ENOX2: variants seen among roughly 807,000 people sequenced by gnomAD.
ENOX2 encodes ecto-NOX disulfide-thiol exchanger 2.
ENOX2 carries 36 observed loss-of-function variants against 45.0 expected under a neutral mutation model. The observed-to-expected ratio is 0.80, with a 90% CI of 0.61 to 1.06. The LOEUF is 1.06. ENOX2 is among the 50% of genes least tolerant of loss of function. ENOX2 has a pLI of 0.00. For synonymous variants in ENOX2, 174 were observed against 152.3 expected (o/e 1.14, Z -1.05); for missense variants, 423 against 462.5 (o/e 0.91, Z 0.78).
chrX:130,790,220 C>T (rs1052190207), intron 2 of ENOX2, among the ~76,000 whole-genome samples: 3 of 112,379 alleles, frequency 2.7e-5, no homozygotes, highest in Non-Finnish European at 5.6e-5. Flanking sequence ...CACTAAGGGG[C>T]TTGCTTGAAT....
intron 3 of ENOX2, among the ~76,000 whole-genome samples, chrX:130,731,258 G>A (rs768411710): frequency 1.8e-5 from 2 of 111,388 alleles, no homozygotes; most frequent in Non-Finnish European, 3.8e-5. Context: ...TAAAGTTTAC[G>A]GTACATAGCA....
chrX:130,727,922 C>T (rs1208016940), intron 3 of ENOX2, among the ~76,000 whole-genome samples: 2 of 112,015 alleles, frequency 1.8e-5, no homozygotes, highest in South Asian at 3.7e-4. Context: ...TGTAGGTGTG[C>T]TAGTTATCAA....
At position 130,652,447 on chromosome X, in the gene ENOX2, T is replaced by C. The variant is rs141818919; in HGVS notation, c.1129+4134A>G. Among the ~76,000 whole-genome samples the C allele has an allele frequency of 3.9e-3, 440 of 112,132 alleles. 2 individuals are homozygous for C. Among genetic ancestry groups the C allele is most frequent in the African/African-American group, 0.014 (427 of 30,915 alleles). On this transcript the variant is annotated intron_variant, in intron 10 of 14. Coordinates refer to ENST00000394363, the MANE Select transcript of ENOX2 (RefSeq NM_006375.4). Reference sequence around the variant, plus strand: ...TTCAGCCGATACCTCTACACTACCATCTACTATTCCTTCTAGTTTCTTCAA... The same window carrying C: ...TTCAGCCGATACCTCTACACTACCACCTACTATTCCTTCTAGTTTCTTCAA...
At chrX:130,797,590 T>C (rs967252706) in intron 2 of ENOX2, among the ~76,000 whole-genome samples, 1 of 110,195 alleles carries the variant, frequency 9.1e-6, no homozygotes, top group Non-Finnish European at 1.9e-5. Flanking sequence ...CAGAATTTCC[T>C]GGAAATTGGC....
intron 2 of ENOX2, among the ~76,000 whole-genome samples, chrX:130,870,818 G>A (rs2078567717): frequency 9.6e-6 from 1 of 104,570 alleles, no homozygotes; most frequent in South Asian, 4.6e-4. Flanking sequence ...TGTGTTTTAA[G>A]AGAGAAACAA....
At chrX:130,690,202 G>A (rs1336756877) in intron 4 of ENOX2, among the ~76,000 whole-genome samples, 1 of 111,347 alleles carries the variant, frequency 9.0e-6, no homozygotes, top group Admixed American at 9.5e-5. Flanking sequence ...TTCAAGAAAG[G>A]TACTTCTTAC....
intron 2 of ENOX2, among the ~76,000 whole-genome samples, chrX:130,791,113 C>T (rs768646645): frequency 1.3e-4 from 14 of 111,314 alleles, no homozygotes; most frequent in African/African-American, 4.2e-4. Flanking sequence ...CATGAGTCGC[C>T]GTACCTGGCC....
chrX:130,795,603 T>G (rs965367373), intron 2 of ENOX2, among the ~76,000 whole-genome samples: 19 of 111,546 alleles, frequency 1.7e-4, no homozygotes, highest in South Asian at 1.1e-3. Context: ...AATATGATAG[T>G]TTTTTTTCCT....
intron 3 of ENOX2, among the ~76,000 whole-genome samples, chrX:130,742,245 C>CTTTTTTTTT (rs67776619): frequency 5.0e-5 from 3 of 60,146 alleles, no homozygotes; most frequent in African/African-American, 1.4e-4. Context: ...AGATAATTTC[C>CTTTTTTTTT]TTTTTTTTTT....
intron 2 of ENOX2, among the ~76,000 whole-genome samples, chrX:130,855,575 G>C (rs2078292913): frequency 9.0e-6 from 1 of 111,164 alleles, no homozygotes; most frequent in African/African-American, 3.3e-5. Flanking sequence ...TTCAGATAGA[G>C]ACAAGCTTAT....
chrX:130,671,623 C>G (rs139715914), intron 6 of ENOX2, among the ~76,000 whole-genome samples: 16 of 112,061 alleles, frequency 1.4e-4, no homozygotes, highest in African/African-American at 5.2e-4. Flanking sequence ...GTGTGGGAAA[C>G]TACCTGAGCA....
rs142810203 is a variant in ENOX2, at chrX:130,753,093, C to T, written c.-39+30454G>A. Among the ~76,000 whole-genome samples the T allele has an allele frequency of 6.0e-4, 67 of 110,976 alleles. No homozygotes were observed. The East Asian group carries it at 0.013, about 22-fold the overall frequency. On this transcript the variant is annotated intron_variant, in intron 3 of 14. Transcript: ENST00000394363. The stretch of plus-strand genomic sequence containing the variant: ...TTATTTGCTTCTTTTCTCTTTCTGC[C>T]AATTTTACTCTCTCTCTTTTCTTCT...
chrX:130,643,934 G>T (rs753257985), intron 10 of ENOX2, among the ~76,000 whole-genome samples: 2 of 111,370 alleles, frequency 1.8e-5, no homozygotes, highest in Non-Finnish European at 3.8e-5. Flanking sequence ...ACCACATTAT[G>T]GGCCATAAAG....
intron 2 of ENOX2, among the ~76,000 whole-genome samples, chrX:130,872,771 A>T (rs947661569): frequency 2.7e-5 from 3 of 111,826 alleles, no homozygotes; most frequent in African/African-American, 9.8e-5. Flanking sequence ...TCTTTGACAA[A>T]CCTGACAAAA....
chrX:130,693,095 T>A (rs2037657064), intron 4 of ENOX2, among the ~76,000 whole-genome samples: 1 of 112,069 alleles, frequency 8.9e-6, no homozygotes, highest in South Asian at 3.7e-4. Flanking sequence ...TATTGTCCAT[T>A]CTCTGTACAC....
chrX:130,715,662 T>C (rs1031543448), intron 3 of ENOX2, among the ~76,000 whole-genome samples: 9 of 110,738 alleles, frequency 8.1e-5, no homozygotes, highest in Non-Finnish European at 1.5e-4. Context: ...GCCTTAATGC[T>C]GAACGATGCT....
chrX:130,874,763 T>C (rs1300674714), intron 2 of ENOX2, among the ~76,000 whole-genome samples: 1 of 111,456 alleles, frequency 9.0e-6, no homozygotes, highest in Non-Finnish European at 1.9e-5. Context: ...TATGCACATA[T>C]CTGCATGCAA....
At chrX:130,662,296 G>A (rs372451243) in intron 9 of ENOX2, among the ~76,000 whole-genome samples, 4 of 112,192 alleles carry the variant, frequency 3.6e-5, no homozygotes, top group South Asian at 7.5e-4. Flanking sequence ...CCCCAAAGGC[G>A]GAAACTTTTT....
chrX:130,812,820 G>A (rs1002843235), intron 2 of ENOX2, among the ~76,000 whole-genome samples: 6 of 111,398 alleles, frequency 5.4e-5, no homozygotes, highest in South Asian at 3.8e-4. Context: ...AAATTTGTGC[G>A]GAACCACAAA....
Sources: gnomAD v4.1 joint callset for allele counts (sites outside exome capture counted in the v4.1 genomes callset) on GRCh38, gnomAD v4.1.1 for gene constraint, MANE v1.5 for transcripts, NCBI Gene and HGNC (gene_info 2026-07-23, HGNC 2026-07-21) for gene names.